KMT2E: variants seen among roughly 807,000 people sequenced by gnomAD.
KMT2E encodes the protein histone reader KMT2E.
KMT2E carries 30 observed loss-of-function variants against 184.6 expected under a neutral mutation model. The observed-to-expected ratio is 0.16, with a 90% confidence interval of 0.12 to 0.22. The LOEUF is 0.22. Among genes scored for constraint, KMT2E ranks in the 10% least tolerant of loss-of-function variants. The probability of loss-of-function intolerance (pLI) is 1.00; values close to 1 mark genes in which losing one functional copy is unlikely to be tolerated. For missense variants in KMT2E, 2,023 were observed against 2,237.4 expected (o/e 0.90, Z 1.93); for synonymous variants, 815 against 776.5 (o/e 1.05, Z -0.82).
intron 3 of KMT2E, among the ~76,000 whole-genome samples, chr7:105,047,625 A>G (rs1048235046): frequency 2.0e-5 from 3 of 152,232 alleles, no homozygotes; most frequent in Non-Finnish European, 1.5e-5. Flanking sequence ...TGTGAGTCCA[A>G]TGTTAACTTC....
Position 105,034,335 on chromosome 7 carries a change from C to T in KMT2E, c.-188-3791C>T, listed in dbSNP as rs1401631001. The stretch of plus-strand genomic sequence containing the variant: ...GTAATCTCAAACTCCTAGGCTCAGA[C>T]GATCCTCCTACCTCAATCTCCTGAA... On this transcript the variant is annotated intron_variant, in intron 1 of 26. Transcript: ENST00000311117. Among the ~76,000 whole-genome samples, 6 of 152,264 alleles carry T rather than the reference C, an allele frequency of 3.9e-5. No individual in the cohort carries two copies. In the East Asian group the frequency reaches 9.6e-4, roughly 24 times the overall value.
intron 1 of KMT2E, among the ~76,000 whole-genome samples, chr7:105,037,684 G>A (rs571800499): frequency 2.8e-4 from 43 of 151,876 alleles, no homozygotes; most frequent in African/African-American, 7.3e-4. Context: ...ATTTTAACAC[G>A]GTCTTAAAGG....
rs66946883 is a variant in KMT2E at position 105,064,164 on chromosome 7, G to GTTTTTTTTTTTTTTTTTTTTTT, written c.416+591_416+612dup. The GTTTTTTTTTTTTTTTTTTTTTT allele has an allele frequency of 2.7e-5, 2 of 74,154 alleles. 1 individual carries two copies. The highest frequency in any genetic ancestry group is 4.8e-5 in the Non-Finnish European group (2 of 41,478). 4.6% of individuals were successfully genotyped at this position (74,154 alleles called of 1,614,324 possible). ...GGTTTTGTATCATTTTTTTTTCTTG[G>GTTTTTTTTTTTTTTTTTTTTTT]TTTTTTTTTTTTTTTTTTTTTTTTT... is the stretch of plus-strand genomic sequence containing the variant. On this transcript the variant is annotated intron_variant, in intron 5 of 26. Coordinates refer to ENST00000311117, the MANE Select transcript of KMT2E (RefSeq NM_182931.3).
intron 3 of KMT2E, among the ~76,000 whole-genome samples, chr7:105,051,061 TTCTTTCTTTCTTTCTTC>T (rs1454416738): frequency 7.1e-4 from 106 of 150,082 alleles, no homozygotes; most frequent in African/African-American, 2.4e-3. Flanking sequence ...TTCTTTCCTT[TTCTTTCTTTCTTTCTTC>T]TTCTTTCTTT....
intron 14 of KMT2E, among the ~76,000 whole-genome samples, chr7:105,090,691 A>G (rs1450146096): frequency 2.6e-5 from 4 of 152,200 alleles, no homozygotes; most frequent in Non-Finnish European, 4.4e-5. Flanking sequence ...AAAATTCACT[A>G]AGAACATATA....
At chr7:105,066,310 C>G (rs577180105) in intron 5 of KMT2E, among the ~76,000 whole-genome samples, 1 of 152,188 alleles carries the variant, frequency 6.6e-6, no homozygotes, top group African/African-American at 2.4e-5. Context: ...TGGCCACTTT[C>G]TCTTCATATC....
At chr7:105,072,320 C>T (rs192127525) in intron 6 of KMT2E, among the ~76,000 whole-genome samples, 19 of 151,872 alleles carry the variant, frequency 1.3e-4, no homozygotes, top group African/African-American at 4.3e-4. Context: ...AGCGAGACTC[C>T]GTCTCAAAAA....
Position 105,078,849 on chromosome 7 carries a change from A to G in KMT2E, c.1134A>G (p.Pro378=). The change falls in exon 12 of 27, where the codon CCA becomes CCG. Residue 378 remains proline (P), a synonymous_variant. Coordinates refer to ENST00000311117, the MANE Select transcript of KMT2E (RefSeq NM_182931.3). ...FEANGYFFKR[P]YPFVLFYSKF... ...TATAATGTTTCTTTCTTTGTAGACC[A>G]TACCCTTTTGTGTTATTCTACTCTA... 6.5e-7 allele frequency: 1 copy of G among 1,539,594 alleles called. No homozygotes were observed. Among genetic ancestry groups the G allele is most frequent in the Non-Finnish European group, 9.0e-7 (1 of 1,112,948 alleles).
At chr7:105,065,241 A>G (rs1459914321) in intron 5 of KMT2E, among the ~76,000 whole-genome samples, 3 of 152,138 alleles carry the variant, frequency 2.0e-5, no homozygotes, top group Admixed American at 6.6e-5. Context: ...TCTGACATCC[A>G]CAGCTCTGAT....
At chr7:105,102,814 C>A (rs903107682) in intron 17 of KMT2E, 1 of 152,278 alleles carries the variant, frequency 6.6e-6, no homozygotes, top group Non-Finnish European at 1.5e-5. Flanking sequence ...AGGGGTAGAT[C>A]ATGAATGTAT....
intron 3 of KMT2E, among the ~76,000 whole-genome samples, chr7:105,058,274 G>A (rs528653641): frequency 1.5e-4 from 23 of 152,124 alleles, no homozygotes; most frequent in Non-Finnish European, 2.4e-4. Context: ...GTGGGACTGT[G>A]TGCTTCTTAT....
In KMT2E at chr7:105,101,446, G is replaced by C. The variant is rs1385904188; in HGVS notation, c.1744G>C (p.Glu582Gln). Residue 582 changes from glutamate to glutamine, a missense_variant, in exon 16 of 27, where the codon GAA becomes CAA. Physicochemically the swap from Glu to Gln is conservative, Grantham distance 29. Coordinates refer to ENST00000311117, the MANE Select transcript of KMT2E (RefSeq NM_182931.3). ...RKMTREERKM[E>Q]AILQAFARLE... ...ATAGACAAGAGAAGAAAGAAAAATG[G>C]AAGCAATTTTGCAAGCTTTTGCCAG... The C allele has an allele frequency of 6.4e-7, 1 of 1,551,588 alleles. No homozygotes were observed. The highest frequency in any genetic ancestry group is 1.4e-5 in the African/African-American group (1 of 71,692).
intron 6 of KMT2E, among the ~76,000 whole-genome samples, chr7:105,068,233 A>G (rs150793131): frequency 6.6e-6 from 1 of 151,932 alleles, no homozygotes; most frequent in Non-Finnish European, 1.5e-5. Context: ...TTATGTCTAT[A>G]GGCTTGATCA....
At chr7:105,019,609 G>T (rs1414805501) in intron 1 of KMT2E, among the ~76,000 whole-genome samples, 1 of 152,036 alleles carries the variant, frequency 6.6e-6, no homozygotes, top group Admixed American at 6.6e-5. Flanking sequence ...AAAATATTTT[G>T]TATTTCAAAA....
intron 15 of KMT2E, among the ~76,000 whole-genome samples, chr7:105,098,020 G>C (rs1798488072): frequency 6.6e-6 from 1 of 152,078 alleles, no homozygotes; most frequent in Non-Finnish European, 1.5e-5. Flanking sequence ...ACATGATAGA[G>C]GAAATGGAGA....
At position 105,108,726 on chromosome 7, in the gene KMT2E, T is replaced by C. The variant is rs1799019434; in HGVS notation, c.3469-216T>C. 5 of 528,998 alleles carry C rather than the reference T, an allele frequency of 9.5e-6. No individual in the cohort carries two copies. The Admixed American group carries it at 9.5e-5, about 10-fold the overall frequency. 32.8% of individuals were successfully genotyped at this position (528,998 alleles called of 1,614,324 possible). On this transcript the variant is annotated intron_variant, in intron 22 of 26. Transcript: ENST00000311117. ...ATAATATACCTATTTCATAGGGTTG[T>C]TGTGAGGATAAATGAGATAATGTAT...
At chr7:105,029,539 G>A (rs917590059) in intron 1 of KMT2E, among the ~76,000 whole-genome samples, 1 of 152,160 alleles carries the variant, frequency 6.6e-6, no homozygotes, top group Admixed American at 6.5e-5. Flanking sequence ...GTTGATTGTT[G>A]GATTATTCAG....
intron 3 of KMT2E, among the ~76,000 whole-genome samples, chr7:105,050,931 TGGCCA>T (rs66584792): frequency 0.31 from 46,954 of 151,578 alleles, 7,537 homozygotes; most frequent in Non-Finnish European, 0.36. Context: ...TTCACCATGT[TGGCCA>T]GGCTGGTCTC....
chr7:105,029,352 T>G (rs1795306761), intron 1 of KMT2E, among the ~76,000 whole-genome samples: 1 of 152,234 alleles, frequency 6.6e-6, no homozygotes, highest in Non-Finnish European at 1.5e-5. Context: ...CCTAGAGCAG[T>G]ATCTAGAACA....
Sources: allele counts gnomAD v4.1 joint callset (sites outside exome capture counted in the v4.1 genomes callset), GRCh38; gene constraint gnomAD v4.1.1; transcripts MANE v1.5; gene names NCBI Gene and HGNC (gene_info 2026-07-23, HGNC 2026-07-21).